The following CARD14 variants were observed in gnomAD, a reference collection of about 807,000 sequenced individuals.
The protein encoded by CARD14 is caspase recruitment domain family member 14, also known as caspase recruitment domain-containing protein 14.
CARD14 carries 107 observed loss-of-function variants against 111.5 expected under a neutral mutation model. That is an observed-to-expected ratio of 0.96 (90% CI 0.82 to 1.13). CARD14 has a LOEUF of 1.13. CARD14 is among the 50% of genes most tolerant of loss of function. The pLI, the probability that CARD14 is intolerant of heterozygous loss-of-function variation, is 0.00. For synonymous variants in CARD14, 617 were observed against 579.6 expected (o/e 1.06, Z -0.93); for missense variants, 1,322 against 1,362.3 (o/e 0.97, Z 0.47).
chr17:80,201,708 G>A lies in CARD14; in HGVS notation c.1852-36G>A, dbSNP rs368977169. ...GTCTTCTGGCTGGATTCAGAGTCCCGGGGGAAAGAGACTGACCTTCTCGAC... is the reference window on the plus strand; with the variant it reads ...GTCTTCTGGCTGGATTCAGAGTCCCAGGGGAAAGAGACTGACCTTCTCGAC... On this transcript the variant is annotated intron_variant, in intron 16 of 23. Coordinates refer to ENST00000648509, the MANE Select transcript of CARD14 (RefSeq NM_001366385.1). The surrounding 1 kb of genome is among the most constrained non-coding windows in gnomAD (Gnocchi z 5.0). 2.3e-5 allele frequency: 37 copies of A among 1,611,154 alleles called. No individual in the cohort carries two copies. The African/African-American group carries it at 3.2e-4, about 14-fold the overall frequency.
intron 2 of CARD14, among the ~76,000 whole-genome samples, chr17:80,178,015 C>T (rs1336734899): frequency 1.3e-5 from 2 of 152,144 alleles, no homozygotes; most frequent in East Asian, 1.9e-4. Context: ...CACCCTGACT[C>T]GCAAGCCTCA....
intron 11 of CARD14, 150 bp from the exon 12 acceptor site, chr17:80,192,353 G>A (rs2040555142): frequency 7.8e-6 from 5 of 641,366 alleles, no homozygotes; most frequent in Non-Finnish European, 1.4e-5. Context: ...TGGGCTCGGA[G>A]GACAGGGACA....
rs2041365922 is a variant in CARD14 at position 80,207,126 on chromosome 17, C to T, written c.2807+41C>T. 2.1e-6 allele frequency: 3 copies of T among 1,450,960 alleles called. No individual in the cohort carries two copies. In the Admixed American group the frequency reaches 5.1e-5, roughly 25 times the overall value. The allele number at this position is 1,450,960 out of a possible 1,614,324, so 89.9% of individuals were successfully genotyped here. A position where few individuals can be genotyped will look rare whatever the true frequency, so the allele number is the denominator to read the frequency against. ...GGGCTGGGCAGGGGCTTCGAAGCGG[C>T]TCCTGGGCTCCCCCAAAGCCCACGG... On this transcript the variant is annotated intron_variant, in intron 23 of 23. Transcript: ENST00000648509.
rs1223964253 is a variant in CARD14, at chr17:80,201,359, A to G, written c.1852-385A>G. The G allele has an allele frequency of 4.9e-6, 1 of 204,572 alleles. No homozygotes were observed. The highest frequency in any genetic ancestry group is 2.4e-5 in the African/African-American group (1 of 41,802). 12.7% of individuals were successfully genotyped at this position (204,572 alleles called of 1,614,324 possible). On this transcript the variant is annotated intron_variant, in intron 16 of 23. Coordinates refer to ENST00000648509, the MANE Select transcript of CARD14 (RefSeq NM_001366385.1). This position sits in a 1 kb window ranked among gnomAD's most constrained non-coding sequence, Gnocchi z 5.0. ...CACTCAGCATCCTGTAGGGCCCGGT[A>G]TAGCCCGCAGCAGCACAGAATGATC...
rs1322748873 is a variant in CARD14 at position 80,189,564 on chromosome 17, G to C, written c.844-189G>C. Among the ~76,000 whole-genome samples, 1 of 152,220 alleles carries C rather than the reference G, an allele frequency of 6.6e-6. No individual in the cohort carries two copies. Among genetic ancestry groups the C allele is most frequent in the Non-Finnish European group, 1.5e-5 (1 of 68,030 alleles). ...TCCTGTGTTCCTTCTCCTTGGCCAT[G>C]AATCTGCACTTTTCCCAGGCATGAT... On this transcript the variant is annotated intron_variant, in intron 8 of 23. Transcript: ENST00000648509. The surrounding 1 kb of genome is among the most constrained non-coding windows in gnomAD (Gnocchi z 4.7).
At position 80,198,156 on chromosome 17, in the gene CARD14, C is replaced by T. The variant is rs201449588; in HGVS notation, c.1652C>T (p.Ser551Leu). 2.7e-5 allele frequency: 43 copies of T among 1,613,662 alleles called. No individual in the cohort carries two copies. Among genetic ancestry groups the T allele is most frequent in the Middle Eastern group, 1.7e-4 (1 of 6,060 alleles). ...QPVSPGRLDV[S>L]ESGVLMRRRP... ...GTCTCCCCTGGAAGGCTTGATGTCT[C>T]GGAGAGGTAAGCAGCAGGTGGGAAT... is the stretch of plus-strand genomic sequence containing the variant. Residue 551 changes from serine (S) to leucine (L), a missense_variant, in exon 15 of 24, where the codon TCG (serine) becomes TTG (leucine). Physicochemically the swap from Ser to Leu is moderately radical, Grantham distance 145 (BLOSUM62 -2). Transcript: ENST00000648509. This position sits in a 1 kb window ranked among gnomAD's most constrained non-coding sequence, Gnocchi z 7.5.
At chr17:80,190,698 G>C in intron 9 of CARD14, 76 bp from the exon 10 acceptor site, 1 of 1,569,908 alleles carries the variant, frequency 6.4e-7, no homozygotes, top group Non-Finnish European at 8.7e-7. Context: ...TCCACCCCTG[G>C]GTTCCCCGAC....
Position 80,203,964 on chromosome 17 carries a change from C to A in CARD14, c.2283+79C>A. On this transcript the variant is annotated intron_variant, in intron 19 of 23. Coordinates refer to ENST00000648509, the MANE Select transcript of CARD14 (RefSeq NM_001366385.1). The surrounding 1 kb of genome is among the most constrained non-coding windows in gnomAD (Gnocchi z 4.6). ...TCGGTGCTGGCAGGGTGGCAGGAGGCACTGTGTGGAGAGTGGGCTGCTGAT... is the reference window on the plus strand; with the variant it reads ...TCGGTGCTGGCAGGGTGGCAGGAGGAACTGTGTGGAGAGTGGGCTGCTGAT... The A allele has an allele frequency of 8.3e-7, 1 of 1,211,948 alleles. No homozygotes were observed. The highest frequency in any genetic ancestry group is 1.2e-6 in the Non-Finnish European group (1 of 851,034). The allele number at this position is 1,211,948 out of a possible 1,614,324, so 75.1% of individuals were successfully genotyped here.
chr17:80,186,232 A>C (rs2040339747), intron 7 of CARD14, among the ~76,000 whole-genome samples: 1 of 151,148 alleles, frequency 6.6e-6, no homozygotes, highest in Non-Finnish European at 1.5e-5. Context: ...GGACCAGGCC[A>C]GCCCACTTTG....
intron 2 of CARD14, among the ~76,000 whole-genome samples, chr17:80,174,697 C>T (rs1180914156): frequency 1.3e-5 from 2 of 152,142 alleles, no homozygotes; most frequent in Admixed American, 1.3e-4. Flanking sequence ...CCAGTGGTTG[C>T]CCTGCGCTGA....
At chr17:80,171,926 T>C (rs1285994719) in intron 1 of CARD14, among the ~76,000 whole-genome samples, 1 of 152,166 alleles carries the variant, frequency 6.6e-6, no homozygotes, top group East Asian at 1.9e-4. Flanking sequence ...GACCCGGTCG[T>C]TGCCACCTGG....
chr17:80,174,320 C>T (rs2039974959), intron 2 of CARD14, among the ~76,000 whole-genome samples: 1 of 152,168 alleles, frequency 6.6e-6, no homozygotes, highest in South Asian at 2.1e-4. Context: ...TTAAGCGATT[C>T]TCCTGCCTCA....
At chr17:80,174,328 TC>T (rs1396250889) in intron 2 of CARD14, among the ~76,000 whole-genome samples, 23 of 152,304 alleles carry the variant, frequency 1.5e-4, no homozygotes, top group African/African-American at 4.8e-4. Flanking sequence ...TTCTCCTGCC[TC>T]AGCCTCCCAA....
Position 80,203,809 on chromosome 17 carries a change from C to T in CARD14, c.2220-13C>T. 6.4e-7 allele frequency: 1 copy of T among 1,562,874 alleles called. No homozygotes were observed. On this transcript the variant is annotated splice_polypyrimidine_tract_variant and intron_variant, in intron 18 of 23. Coordinates refer to ENST00000648509, the MANE Select transcript of CARD14 (RefSeq NM_001366385.1). This position sits in a 1 kb window ranked among gnomAD's most constrained non-coding sequence, Gnocchi z 4.6. ...GGAGGCAGCTGGGTCAGGGCCTCTG[C>T]TGGTCTCTGCAGGGCTCAGCAGCAG...
At chr17:80,204,129 C>A in intron 19 of CARD14, 98 bp from the exon 20 acceptor site, 1 of 1,213,134 alleles carries the variant, frequency 8.2e-7, no homozygotes, top group Non-Finnish European at 1.2e-6. Context: ...CTCTGCATCA[C>A]TCCCAGGTCG....
intron 7 of CARD14, chr17:80,187,651 A>G: frequency 6.8e-6 from 4 of 588,966 alleles, no homozygotes; most frequent in Non-Finnish European, 8.5e-6. Context: ...TCTTGGCCAC[A>G]GCCCAGGGGT....
At chr17:80,183,822 A>T in intron 6 of CARD14, 91 bp from the exon 7 acceptor site, 1 of 1,068,550 alleles carries the variant, frequency 9.4e-7, no homozygotes, top group South Asian at 1.8e-5. Flanking sequence ...CCACATGCTC[A>T]CCTGCCCACC....
chr17:80,203,556 C>T lies in CARD14; in HGVS notation c.2220-266C>T. ...GGGGCCCTGTACGCTGGCTGCTCAA[C>T]AGCACCCCCTGGGTCCCGCCCCAGG... On this transcript the variant is annotated intron_variant, in intron 18 of 23. Transcript: ENST00000648509. This position sits in a 1 kb window ranked among gnomAD's most constrained non-coding sequence, Gnocchi z 4.6. The T allele has an allele frequency of 4.6e-6, 2 of 435,702 alleles. 1 individual carries two copies. Among genetic ancestry groups the T allele is most frequent in the Non-Finnish European group, 8.1e-6 (2 of 245,462 alleles). 27.0% of individuals were successfully genotyped at this position (435,702 alleles called of 1,614,324 possible). A position where few individuals can be genotyped will look rare whatever the true frequency, so the allele number is the denominator to read the frequency against.
Position 80,195,214 on chromosome 17 carries a change from T to A in CARD14, c.1380T>A (p.Ser460Arg), listed in dbSNP as rs766077998. 3.7e-6 allele frequency: 6 copies of A among 1,609,722 alleles called. No homozygotes were observed. The Admixed American group carries it at 6.7e-5, about 18-fold the overall frequency. Residue 460 changes from serine to arginine, a missense_variant, in exon 13 of 24, where the codon AGT becomes AGA. Coordinates refer to ENST00000648509, the MANE Select transcript of CARD14 (RefSeq NM_001366385.1). This position sits in a 1 kb window ranked among gnomAD's most constrained non-coding sequence, Gnocchi z 4.7. ...AGTCTCAGCTCTTGTCGGACCTGAG[T>A]GCCACGTCCAGCCGCGAGCTGGTGG... ...STESQLLSDL[S>R]ATSSRELVDS...
Sources: gnomAD v4.1 joint callset for allele counts (sites outside exome capture counted in the v4.1 genomes callset) on GRCh38, gnomAD v4.1.1 for gene constraint, Gnocchi (gnomAD v3.1) non-coding constraint, MANE v1.5 for transcripts, NCBI Gene and HGNC (gene_info 2026-07-23, HGNC 2026-07-21) for gene names.